CSMD1: variants seen among roughly 807,000 people sequenced by gnomAD.
CSMD1 encodes the protein CUB and Sushi multiple domains 1.
In CSMD1, 213 loss-of-function variants were observed where a neutral mutation model predicts 417.5. The ratio of observed to expected loss-of-function variants is 0.51; its 90% CI spans 0.46 to 0.57. The LOEUF (loss-of-function observed/expected upper bound fraction) is 0.57. CSMD1 is among the 20% of genes least tolerant of loss of function. CSMD1 has a pLI of 0.00. For synonymous variants in CSMD1, 2,862 were observed against 1,736.8 expected, an observed-to-expected ratio of 1.65 and a Z score of -16.11; for missense variants, 6,923 against 4,529.7, an observed-to-expected ratio of 1.53 and a Z score of -15.17.
At chr8:4,155,557 G>C (rs936330012) in intron 3 of CSMD1, among the ~76,000 whole-genome samples, 1 of 152,136 alleles carries the variant, frequency 6.6e-6, no homozygotes, top group Non-Finnish European at 1.5e-5. Flanking sequence ...CCATGTCTTA[G>C]AACGAACGTT....
chr8:3,527,295 A>C (rs1323639853), intron 10 of CSMD1, among the ~76,000 whole-genome samples: 1 of 152,222 alleles, frequency 6.6e-6, no homozygotes, highest in African/African-American at 2.4e-5. Flanking sequence ...AGCTAATCTG[A>C]CATCATATTC....
Position 3,944,881 on chromosome 8 carries a change from T to G in CSMD1, c.818+53022A>C, listed in dbSNP as rs2954648. Among the ~76,000 whole-genome samples the G allele has an allele frequency of 2.6e-5, 4 of 152,014 alleles. No homozygotes were observed. The East Asian group carries it at 7.7e-4, about 29-fold the overall frequency. On this transcript the variant is annotated intron_variant, in intron 5 of 69. Transcript: ENST00000635120. ...AGCTCTGACAGTTGATTCTGGGTTG[T>G]GTTTTCTAATTCATCCCCACAATCA...
intron 49 of CSMD1, among the ~76,000 whole-genome samples, chr8:3,067,460 G>C (rs568984072): frequency 8.5e-5 from 13 of 152,076 alleles, no homozygotes; most frequent in African/African-American, 3.1e-4. Context: ...CATTTCAGAA[G>C]CAGAAACATT....
intron 11 of CSMD1, among the ~76,000 whole-genome samples, chr8:3,479,736 G>T (rs967098836): frequency 6.6e-6 from 1 of 152,084 alleles, no homozygotes; most frequent in South Asian, 2.1e-4. Context: ...AAGAGCCAAG[G>T]AAATCACGGC....
At chr8:4,025,365 C>T (rs1184346253) in intron 4 of CSMD1, among the ~76,000 whole-genome samples, 3 of 152,116 alleles carry the variant, frequency 2.0e-5, no homozygotes, top group African/African-American at 4.8e-5. Flanking sequence ...CCTCTATTTC[C>T]CTGTAGGACC....
chr8:3,211,992 T>G (rs1232921161), intron 30 of CSMD1, among the ~76,000 whole-genome samples: 1 of 152,148 alleles, frequency 6.6e-6, no homozygotes, highest in Non-Finnish European at 1.5e-5. Context: ...TCCAGCTGCC[T>G]CGTGCCCACC....
chr8:4,249,481 A>C (rs1202501836), intron 3 of CSMD1, among the ~76,000 whole-genome samples: 1 of 152,220 alleles, frequency 6.6e-6, no homozygotes, highest in Non-Finnish European at 1.5e-5. Context: ...ACAGGGTTAA[A>C]CATTTTATTT....
rs1364529893 is a variant in CSMD1 at position 3,891,251 on chromosome 8, G to A, written c.818+106652C>T. On this transcript the variant is annotated intron_variant, in intron 5 of 69. Coordinates refer to ENST00000635120, the MANE Select transcript of CSMD1 (RefSeq NM_033225.6). ...CTTTGTAAAGATGGGTTTTTGCCAT[G>A]TTTCCCAGGCTAGTCTCAAAAATTC... Among the ~76,000 whole-genome samples, 4 of 152,090 alleles carry A rather than the reference G, an allele frequency of 2.6e-5. No homozygotes were observed. In the East Asian group the frequency reaches 5.8e-4, roughly 22 times the overall value.
intron 21 of CSMD1, among the ~76,000 whole-genome samples, chr8:3,350,028 TGTGTTATAATA>T (rs1369482475): frequency 3.4e-5 from 5 of 145,222 alleles, no homozygotes; most frequent in African/African-American, 1.3e-4. Context: ...TGTGTATGTG[TGTGTTATAATA>T]CCTATAATAA....
intron 3 of CSMD1, among the ~76,000 whole-genome samples, chr8:4,071,887 G>T (rs976685839): frequency 6.6e-6 from 1 of 152,100 alleles, no homozygotes; most frequent in Non-Finnish European, 1.5e-5. Flanking sequence ...ACCCCATTTG[G>T]AATCTGCTCC....
intron 5 of CSMD1, among the ~76,000 whole-genome samples, chr8:3,804,355 C>G (rs1228405967): frequency 6.6e-6 from 1 of 152,004 alleles, no homozygotes; most frequent in Non-Finnish European, 1.5e-5. Flanking sequence ...GAAGCAGTAT[C>G]AAAAATACCC....
chr8:3,327,171 C>G (rs1401644883), intron 23 of CSMD1, among the ~76,000 whole-genome samples: 1 of 150,234 alleles, frequency 6.7e-6, no homozygotes, highest in East Asian at 1.9e-4. Context: ...GAAAGAGACT[C>G]TCTCTGTCAC....
intron 5 of CSMD1, among the ~76,000 whole-genome samples, chr8:3,900,842 T>C (rs541071327): frequency 5.3e-5 from 8 of 152,232 alleles, no homozygotes; most frequent in Non-Finnish European, 1.0e-4. Context: ...GCTCTTCTCA[T>C]TTCCGAGCAT....
chr8:4,376,464 C>A (rs1255728209), intron 3 of CSMD1, among the ~76,000 whole-genome samples: 1 of 152,116 alleles, frequency 6.6e-6, no homozygotes, highest in African/African-American at 2.4e-5. Context: ...GTAGAAACAT[C>A]ATTTAGAAAG....
chr8:4,823,869 C>T (rs1799658260), intron 1 of CSMD1, among the ~76,000 whole-genome samples: 1 of 151,712 alleles, frequency 6.6e-6, no homozygotes, highest in African/African-American at 2.4e-5. Flanking sequence ...AAAAGGAAGG[C>T]TTAATATTGA....
intron 25 of CSMD1, among the ~76,000 whole-genome samples, chr8:3,304,326 C>G (rs953797376): frequency 6.6e-6 from 1 of 151,928 alleles, no homozygotes; most frequent in African/African-American, 2.4e-5. Context: ...AGTAACCATG[C>G]AAGCTAATAT....
chr8:4,470,619 G>A (rs149296687), intron 2 of CSMD1, among the ~76,000 whole-genome samples: 1 of 152,182 alleles, frequency 6.6e-6, no homozygotes, highest in South Asian at 2.1e-4. Flanking sequence ...CTCATAAATG[G>A]CTTTCCTGTA....
chr8:4,161,163 G>C (rs1038110802), intron 3 of CSMD1, among the ~76,000 whole-genome samples: 1 of 151,090 alleles, frequency 6.6e-6, no homozygotes, highest in Non-Finnish European at 1.5e-5. Context: ...TAAAAGTTCA[G>C]AAGGATGAAG....
intron 7 of CSMD1, among the ~76,000 whole-genome samples, chr8:3,672,235 G>C (rs1390856338): frequency 1.3e-5 from 2 of 152,114 alleles, no homozygotes; most frequent in African/African-American, 4.8e-5. Context: ...TTGCTCATAA[G>C]ATTTTTTAAA....
Sources: gnomAD v4.1 joint callset for allele counts (sites outside exome capture counted in the v4.1 genomes callset) on GRCh38, gnomAD v4.1.1 for gene constraint, MANE v1.5 for transcripts, NCBI Gene and HGNC (gene_info 2026-07-23, HGNC 2026-07-21) for gene names.